The following LBHD1 variants were observed in gnomAD, a reference collection of about 807,000 sequenced individuals.
The protein encoded by LBHD1 is LBH domain-containing protein 1.
Under a neutral mutation model 31.1 loss-of-function variants are expected in LBHD1, and 28 were observed. The observed-to-expected ratio is 0.90, with a 90% CI of 0.67 to 1.24. LBHD1 has a LOEUF of 1.24. Among genes scored for constraint, LBHD1 ranks in the 50% most tolerant of loss-of-function variants. The pLI is 0.00. For synonymous variants in LBHD1, 105 were observed against 116.5 expected (o/e 0.90, Z 0.63); for missense variants, 350 against 323.0 (o/e 1.08, Z -0.64).
intron 4 of LBHD1, chr11:62,667,005 T>A: frequency 6.2e-7 from 1 of 1,612,454 alleles, no homozygotes; most frequent in Non-Finnish European, 8.5e-7. Context: ...CTAGGCCCGT[T>A]CAGGGGCATC....
chr11:62,667,793 T>C (rs1210015345), intron 3 of LBHD1, 46 bp from the exon 4 acceptor site: 2 of 1,351,214 alleles, frequency 1.5e-6, no homozygotes, highest in Admixed American at 1.9e-5. Context: ...TGATATATTA[T>C]CAAATTACAA....
chr11:62,669,329 G>A lies in LBHD1; in HGVS notation c.313+312C>T, dbSNP rs1477510357. The A allele has an allele frequency of 1.9e-4, 176 of 906,154 alleles. 1 individual carries two copies. The African/African-American group carries it at 2.2e-3, about 12-fold the overall frequency. The allele number at this position is 906,154 out of a possible 1,614,324, so 56.1% of individuals were successfully genotyped here. A position where few individuals can be genotyped will look rare whatever the true frequency, so the allele number is the denominator to read the frequency against. On this transcript the variant is annotated intron_variant, in intron 3 of 6. Transcript: ENST00000354588. ...GGAGAATGGCGTGAACCCAGGAGGC[G>A]GAGCTTGCAGTGAGCTGAGATCGCG...
intron 4 of LBHD1, chr11:62,665,550 T>G (rs1944782516): frequency 6.4e-7 from 1 of 1,568,300 alleles, no homozygotes; most frequent in East Asian, 2.4e-5. Context: ...GCTGGTTCTA[T>G]CCTCAAACGC....
At chr11:62,665,514 T>C (rs1225418413) in intron 4 of LBHD1, 1 of 1,571,404 alleles carries the variant, frequency 6.4e-7, no homozygotes, top group South Asian at 1.1e-5. Flanking sequence ...CGGCGTCATG[T>C]CTTCGGTGCT....
chr11:62,666,414 G>C, intron 4 of LBHD1: 1 of 1,610,650 alleles, frequency 6.2e-7, no homozygotes. Context: ...GCTGATAGTT[G>C]CCTGGCGGAC....
rs1284428565 is a variant in LBHD1, at chr11:62,663,037, T to C, written c.*92A>G. The stretch of plus-strand genomic sequence containing the variant: ...AGGCTGGCTCCAGTTGAGAATCTTC[T>C]AGTGGAAGAGGTTTAGCTCTCATCT... On this transcript the variant is annotated 3_prime_UTR_variant, in exon 7 of 7. Coordinates refer to ENST00000354588, the MANE Select transcript of LBHD1 (RefSeq NM_024099.5). 2 of 1,549,868 alleles carry C rather than the reference T, an allele frequency of 1.3e-6. No individual in the cohort carries two copies. The highest frequency in any genetic ancestry group is 8.9e-7 in the Non-Finnish European group (1 of 1,127,910).
chr11:62,667,003 G>A (rs373688848), intron 4 of LBHD1: 54 of 1,612,196 alleles, frequency 3.3e-5, no homozygotes, highest in African/African-American at 2.0e-4. Flanking sequence ...AGCTAGGCCC[G>A]TTCAGGGGCA....
At chr11:62,669,315 T>G (rs1447987055) in intron 3 of LBHD1, 54 of 826,960 alleles carry the variant, frequency 6.5e-5, no homozygotes, top group Non-Finnish European at 7.7e-5. Context: ...GAGAATGGCG[T>G]GAACCCAGGA....
intron 3 of LBHD1, chr11:62,669,301 G>T: frequency 2.9e-6 from 2 of 694,180 alleles, no homozygotes; most frequent in Admixed American, 6.3e-5. Flanking sequence ...GGAGGCTGAG[G>T]CAGGAGAATG....
intron 4 of LBHD1, 71 bp downstream of exon 4, chr11:62,667,452 T>TTA (rs771499177): frequency 6.7e-7 from 1 of 1,489,382 alleles, no homozygotes; most frequent in South Asian, 1.1e-5. Context: ...AAAAGGAGAT[T>TTA]GTAAGAGGAT....
At chr11:62,666,757 C>G (rs746570653) in intron 4 of LBHD1, 1 of 1,614,154 alleles carries the variant, frequency 6.2e-7, no homozygotes, top group African/African-American at 1.3e-5. Flanking sequence ...TCATGCACGC[C>G]GATGCTCAGA....
At position 62,666,376 on chromosome 11, in the gene LBHD1, C is replaced by G. The variant is rs376660938; in HGVS notation, c.538+1147G>C. The G allele has an allele frequency of 3.7e-6, 6 of 1,604,502 alleles. No homozygotes were observed. In the African/African-American group the frequency reaches 8.0e-5, roughly 21 times the overall value. On this transcript the variant is annotated intron_variant, in intron 4 of 6. Coordinates refer to ENST00000354588, the MANE Select transcript of LBHD1 (RefSeq NM_024099.5). Reference sequence around the variant, plus strand: ...CAGTGGCGACATAGACCAAGTGACACCCTCCAACCGTGCCCACAGGCTCAC... The same window carrying G: ...CAGTGGCGACATAGACCAAGTGACAGCCTCCAACCGTGCCCACAGGCTCAC...
At chr11:62,665,492 C>T in intron 4 of LBHD1, 1 of 1,573,944 alleles carries the variant, frequency 6.4e-7, no homozygotes, top group South Asian at 1.1e-5. Context: ...AGGGAAAGGG[C>T]TCTGGCCCCC....
In LBHD1 at chr11:62,664,837, T is replaced by A. The variant is rs1279064151; in HGVS notation, c.663+12A>T. On this transcript the variant is annotated intron_variant, in intron 5 of 6. Coordinates refer to ENST00000354588, the MANE Select transcript of LBHD1 (RefSeq NM_024099.5). ...GTGGGGACGACCAACAGGAAGAGGGTCTAGTACTTACGCCCGCTTCTTGAG... is the reference window on the plus strand; with the variant it reads ...GTGGGGACGACCAACAGGAAGAGGGACTAGTACTTACGCCCGCTTCTTGAG... The A allele has an allele frequency of 1.3e-6, 2 of 1,558,932 alleles. No individual in the cohort carries two copies. Among genetic ancestry groups the A allele is most frequent in the Non-Finnish European group, 1.7e-6 (2 of 1,151,536 alleles).
chr11:62,667,820 C>A, intron 3 of LBHD1, 73 bp from the exon 4 acceptor site: 2 of 1,083,256 alleles, frequency 1.8e-6, no homozygotes, highest in Non-Finnish European at 1.4e-6. Flanking sequence ...GCCAGGCATG[C>A]TGGCTCATAC....
At chr11:62,664,711 G>A (rs1197640972) in intron 5 of LBHD1, 138 bp downstream of exon 5, 3 of 1,156,502 alleles carry the variant, frequency 2.6e-6, no homozygotes, top group Non-Finnish European at 3.6e-6. Context: ...CAGAGCTTAG[G>A]AACTAACAGC....
intron 4 of LBHD1, chr11:62,666,000 G>T (rs1944798728): frequency 1.9e-6 from 3 of 1,561,954 alleles, no homozygotes; most frequent in Non-Finnish European, 1.7e-6. Context: ...AGTGGGGAGG[G>T]TAAGGTGGGT....
intron 3 of LBHD1, chr11:62,668,323 A>G: frequency 6.6e-6 from 1 of 152,198 alleles, no homozygotes; most frequent in Non-Finnish European, 1.5e-5. Context: ...CTACTAAAAT[A>G]CAAAAAAAAT....
intron 3 of LBHD1, 93 bp downstream of exon 3, chr11:62,669,548 C>T (rs1441751133): frequency 2.0e-6 from 3 of 1,525,364 alleles, no homozygotes; most frequent in Admixed American, 4.3e-5. Context: ...GTGCCTGGCA[C>T]TGCTGAATGC....
Sources: gnomAD v4.1 joint callset for allele counts on GRCh38, gnomAD v4.1.1 for gene constraint, MANE v1.5 for transcripts, NCBI Gene and HGNC (gene_info 2026-07-23, HGNC 2026-07-21) for gene names.